ESRP1: variants seen among roughly 807,000 people sequenced by gnomAD.
The protein encoded by ESRP1 is RNA-binding motif protein 35A.
ESRP1 carries 33 observed loss-of-function variants against 81.7 expected under a neutral mutation model. The ratio of observed to expected loss-of-function variants is 0.40; its 90% CI spans 0.31 to 0.54. The LOEUF (loss-of-function observed/expected upper bound fraction) is 0.54. Ranked by LOEUF, ESRP1 falls within the 20% of genes least tolerant of loss-of-function variation. The pLI, the probability that ESRP1 is intolerant of heterozygous loss-of-function variation, is 0.41. For missense variants in ESRP1, 672 were observed against 833.1 expected (o/e 0.81, Z 2.38); for synonymous variants, 320 against 303.3 (o/e 1.06, Z -0.57).
chr8:94,655,338 C>T (rs916035049), intron 4 of ESRP1, among the ~76,000 whole-genome samples: 7 of 151,088 alleles, frequency 4.6e-5, no homozygotes, highest in African/African-American at 1.2e-4. Flanking sequence ...CCACCCGCCT[C>T]GGCCTCCCTA....
In ESRP1 at chr8:94,707,197, C is replaced by T. The variant is rs1033848678; in HGVS notation, c.*1308C>T. On this transcript the variant is annotated 3_prime_UTR_variant, in exon 16 of 16. Transcript: ENST00000433389. ...TATTTTCTGTGCATTACTTTAACAC[C>T]TTAAAGGGAGAAGCAAACATTTCCT... The T allele has an allele frequency of 1.3e-5, 2 of 152,096 alleles. No individual in the cohort carries two copies. The highest frequency in any genetic ancestry group is 2.9e-5 in the Non-Finnish European group (2 of 68,024). The allele number at this position is 152,096 out of a possible 1,614,324, so 9.4% of individuals were successfully genotyped here.
At position 94,664,811 on chromosome 8, in the gene ESRP1, G is replaced by C. The variant is rs753209922; in HGVS notation, c.755+4G>C. ...TCAAAGGACTCAATATTGCCAAGTT[G>C]GTTTTCTTAAATATCTATTTTACTT... On this transcript the variant is annotated splice_donor_region_variant and intron_variant, in intron 7 of 15. Transcript: ENST00000433389. The C allele has an allele frequency of 3.1e-6, 5 of 1,612,940 alleles. No homozygotes were observed. Among genetic ancestry groups the C allele is most frequent in the South Asian group, 2.2e-5 (2 of 90,914 alleles).
At position 94,705,912 on chromosome 8, in the gene ESRP1, T is replaced by C; in HGVS notation, c.*36-13T>C. ...CATTTCCTTTTATTCACTTTTTTTTTTTTTTTTTTCAGTGTTTGAAAGATG... is the reference window on the plus strand; with the variant it reads ...CATTTCCTTTTATTCACTTTTTTTTCTTTTTTTTTCAGTGTTTGAAAGATG... On this transcript the variant is annotated splice_polypyrimidine_tract_variant and intron_variant, in intron 15 of 15. Transcript: ENST00000433389. The C allele has an allele frequency of 4.6e-6, 7 of 1,517,554 alleles. No individual in the cohort carries two copies. The highest frequency in any genetic ancestry group is 6.2e-6 in the Non-Finnish European group (7 of 1,136,440). 94.0% of individuals were successfully genotyped at this position (1,517,554 alleles called of 1,614,324 possible).
intron 4 of ESRP1, among the ~76,000 whole-genome samples, chr8:94,661,667 G>T (rs1160364033): frequency 1.3e-5 from 2 of 152,214 alleles, no homozygotes; most frequent in African/African-American, 4.8e-5. Flanking sequence ...ACATTGGCCT[G>T]TGTTGGCTCT....
chr8:94,642,017 A>G lies in ESRP1; in HGVS notation c.194A>G (p.Lys65Arg). The change falls in exon 2 of 16, where the codon AAA becomes AGA. Residue 65 changes from lysine to arginine, a missense_variant. Coordinates refer to ENST00000433389, the MANE Select transcript of ESRP1 (RefSeq NM_017697.4). ...CAGTTGGAACTGACGGAGGACTGCA[A>G]AGAAGAAACTAAAATAGACGTCGAA... The part of the protein sequence containing the change: ...PDQLELTEDC[K>R]EETKIDVESL... The G allele has an allele frequency of 1.2e-6, 2 of 1,614,014 alleles. 1 individual carries two copies. The highest frequency in any genetic ancestry group is 2.2e-5 in the South Asian group (2 of 91,088).
chr8:94,678,170 T>C, intron 12 of ESRP1, 33 bp from the exon 13 acceptor site: 3 of 1,609,582 alleles, frequency 1.9e-6, no homozygotes, highest in Non-Finnish European at 2.5e-6. Context: ...CTGTTACAAA[T>C]ATGTCTCAAA....
intron 3 of ESRP1, among the ~76,000 whole-genome samples, chr8:94,645,249 G>T (rs1817785750): frequency 6.6e-6 from 1 of 152,046 alleles, no homozygotes; most frequent in Admixed American, 6.5e-5. Context: ...ACTTGGAGAG[G>T]AGATATTTTG....
Position 94,641,213 on chromosome 8 carries a change from C to G in ESRP1, c.-106C>G. 3 of 1,134,556 alleles carry G rather than the reference C, an allele frequency of 2.6e-6. No individual in the cohort carries two copies. 70.3% of individuals were successfully genotyped at this position (1,134,556 alleles called of 1,614,324 possible). A position where few individuals can be genotyped will look rare whatever the true frequency, so the allele number is the denominator to read the frequency against. On this transcript the variant is annotated 5_prime_UTR_variant, in exon 1 of 16. Coordinates refer to ENST00000433389, the MANE Select transcript of ESRP1 (RefSeq NM_017697.4). ...GTAGCAAGGAAGGGGGGTGGGCGCT[C>G]TTTCTTTTTCTCTTAGAAGAGGGTT...
rs1288963793 is a variant in ESRP1, at chr8:94,641,255, G to A, written c.-64G>A. The stretch of plus-strand genomic sequence containing the variant: ...AAGAGGGTTTAGCACAGGTTTTTTC[G>A]TTCTCACTTCCACACCACCTTACCG... On this transcript the variant is annotated 5_prime_UTR_variant, in exon 1 of 16. Transcript: ENST00000433389. 3.3e-6 allele frequency: 5 copies of A among 1,515,866 alleles called. No homozygotes were observed. The highest frequency in any genetic ancestry group is 2.3e-5 in the East Asian group (1 of 43,008). 93.9% of individuals were successfully genotyped at this position (1,515,866 alleles called of 1,614,324 possible). A position where few individuals can be genotyped will look rare whatever the true frequency, so the allele number is the denominator to read the frequency against.
chr8:94,656,378 C>T (rs1043125146), intron 4 of ESRP1, among the ~76,000 whole-genome samples: 7 of 151,782 alleles, frequency 4.6e-5, no homozygotes, highest in Non-Finnish European at 1.0e-4. Flanking sequence ...GCCACCACGC[C>T]CGGCTAATTT....
At chr8:94,694,459 C>T (rs1809519324) in intron 14 of ESRP1, among the ~76,000 whole-genome samples, 1 of 152,104 alleles carries the variant, frequency 6.6e-6, no homozygotes. Flanking sequence ...CAAAAACTAG[C>T]CAGGCGTGGT....
Position 94,706,966 on chromosome 8 carries a change from C to G in ESRP1, c.*1077C>G, listed in dbSNP as rs1255080444. On this transcript the variant is annotated 3_prime_UTR_variant, in exon 16 of 16. Transcript: ENST00000433389. The stretch of plus-strand genomic sequence containing the variant: ...AACACTGATGCAATTAGAACAGGTA[C>G]TGATGCTGTCAGTGTTTAACACTAT... The G allele has an allele frequency of 6.6e-6, 1 of 152,226 alleles. No individual in the cohort carries two copies. The highest frequency in any genetic ancestry group is 1.5e-5 in the Non-Finnish European group (1 of 68,052). 9.4% of individuals were successfully genotyped at this position (152,226 alleles called of 1,614,324 possible).
At chr8:94,653,008 C>T (rs1244557643) in intron 4 of ESRP1, among the ~76,000 whole-genome samples, 1 of 152,138 alleles carries the variant, frequency 6.6e-6, no homozygotes, top group Non-Finnish European at 1.5e-5. Flanking sequence ...TGTGTTTCCT[C>T]GGCACATATC....
intron 4 of ESRP1, among the ~76,000 whole-genome samples, chr8:94,657,760 T>G (rs1028855214): frequency 6.6e-6 from 1 of 152,220 alleles, no homozygotes; most frequent in Non-Finnish European, 1.5e-5. Context: ...ACATTTTTAC[T>G]TTTGATCTCT....
intron 4 of ESRP1, among the ~76,000 whole-genome samples, chr8:94,653,817 A>AT (rs397763714): frequency 4.0e-5 from 6 of 151,788 alleles, no homozygotes; most frequent in Non-Finnish European, 8.8e-5. Context: ...ATATATATAT[A>AT]AAATCAAGTA....
rs376930678 is a variant in ESRP1 at position 94,692,219 on chromosome 8, T to C, written c.1821-458T>C. 5.3e-5 allele frequency among the ~76,000 whole-genome samples: 8 copies of C among 152,188 alleles called. No homozygotes were observed. In the South Asian group the frequency reaches 1.5e-3, roughly 28 times the overall value. ...TGCTGTGCTATTCCTCATGCTCCTA[T>C]ATATAGGTAGAACAGTCTATTCTTT... On this transcript the variant is annotated intron_variant, in intron 13 of 15. Coordinates refer to ENST00000433389, the MANE Select transcript of ESRP1 (RefSeq NM_017697.4).
At chr8:94,650,812 C>T (rs1018669251) in intron 4 of ESRP1, among the ~76,000 whole-genome samples, 1 of 151,908 alleles carries the variant, frequency 6.6e-6, no homozygotes, top group African/African-American at 2.4e-5. Context: ...TCCAGGTTCA[C>T]ACCATTCTCC....
intron 15 of ESRP1, among the ~76,000 whole-genome samples, chr8:94,703,047 T>C (rs1809901451): frequency 6.6e-6 from 1 of 151,578 alleles, no homozygotes; most frequent in South Asian, 2.1e-4. Context: ...GTTGTAATTC[T>C]CAACTTTGTT....
rs1264552665 is a variant in ESRP1 at position 94,696,954 on chromosome 8, A to G, written c.*28A>G. ...GCCCCAGCAGTTAGAACATCCTCAG[A>G]AAAGAAGGTAAGGCTTTATGATGTG... On this transcript the variant is annotated 3_prime_UTR_variant, in exon 15 of 16. Transcript: ENST00000433389. 2 of 1,557,598 alleles carry G rather than the reference A, an allele frequency of 1.3e-6. No individual in the cohort carries two copies. Among genetic ancestry groups the G allele is most frequent in the African/African-American group, 2.7e-5 (2 of 73,502 alleles).
Sources: allele counts gnomAD v4.1 joint callset (sites outside exome capture counted in the v4.1 genomes callset), GRCh38; gene constraint gnomAD v4.1.1; transcripts MANE v1.5; gene names NCBI Gene and HGNC (gene_info 2026-07-23, HGNC 2026-07-21).